RFX3: variants seen among roughly 807,000 people sequenced by gnomAD.
RFX3 encodes transcription factor RFX3.
A neutral mutation model predicts 98.6 loss-of-function variants in RFX3; 14 were observed. The observed-to-expected ratio is 0.14, with a 90% confidence interval of 0.09 to 0.22. The LOEUF is 0.22. RFX3 is among the 10% of genes least tolerant of loss of function. The pLI, the probability that RFX3 is intolerant of heterozygous loss-of-function variation, is 1.00. For synonymous variants in RFX3, 383 were observed against 328.4 expected (o/e 1.17, Z -1.80); for missense variants, 639 against 926.9 (o/e 0.69, Z 4.03).
chr9:3,506,149 T>C (rs932816864), intron 1 of RFX3, among the ~76,000 whole-genome samples: 1 of 150,980 alleles, frequency 6.6e-6, no homozygotes, highest in Admixed American at 6.6e-5. Context: ...AGAGATGGTA[T>C]ACAATGAATA....
intron 1 of RFX3, among the ~76,000 whole-genome samples, chr9:3,423,811 A>ATATATATATC (rs1292059587): frequency 6.8e-5 from 9 of 132,370 alleles, no homozygotes; most frequent in East Asian, 4.2e-4. Flanking sequence ...ATATATATAT[A>ATATATATATC]TCTTAAGGTA....
chr9:3,331,066 A>C (rs1388677995), intron 3 of RFX3, among the ~76,000 whole-genome samples: 2 of 151,734 alleles, frequency 1.3e-5, no homozygotes, highest in African/African-American at 2.4e-5. Context: ...CCCTCCCCAT[A>C]TCTCTCTTTC....
intron 3 of RFX3, among the ~76,000 whole-genome samples, chr9:3,346,124 T>G (rs1275770582): frequency 6.6e-6 from 1 of 152,174 alleles, no homozygotes; most frequent in Non-Finnish European, 1.5e-5. Context: ...ATAAAATAAA[T>G]TTACAAATTT....
intron 1 of RFX3, among the ~76,000 whole-genome samples, chr9:3,472,155 A>G (rs571555090): frequency 6.6e-6 from 1 of 152,334 alleles, no homozygotes; most frequent in Admixed American, 6.5e-5. Context: ...ACTGTTGTCA[A>G]GTTATTGAAT....
intron 4 of RFX3, among the ~76,000 whole-genome samples, chr9:3,317,580 A>G (rs201643230): frequency 7.2e-5 from 11 of 152,304 alleles, no homozygotes; most frequent in South Asian, 4.1e-4. Context: ...GAGTGAACAG[A>G]CAACCTACAG....
At chr9:3,350,467 G>T (rs1470489965) in intron 2 of RFX3, among the ~76,000 whole-genome samples, 1 of 152,140 alleles carries the variant, frequency 6.6e-6, no homozygotes, top group Non-Finnish European at 1.5e-5. Flanking sequence ...ATTGTTGGGA[G>T]GGATGGAAAA....
chr9:3,469,023 C>A, intron 1 of RFX3: 2 of 330,322 alleles, frequency 6.1e-6, no homozygotes, highest in Non-Finnish European at 1.2e-5. Flanking sequence ...TTAGTGTAGC[C>A]AAAATTTAGA....
chr9:3,504,175 T>A (rs1192168340), intron 1 of RFX3, among the ~76,000 whole-genome samples: 1 of 98,162 alleles, frequency 1.0e-5, no homozygotes, highest in Non-Finnish European at 1.7e-5. Flanking sequence ...ATATATTATA[T>A]ATTATACATA....
At chr9:3,313,936 T>A (rs1287196838) in intron 4 of RFX3, among the ~76,000 whole-genome samples, 2 of 152,198 alleles carry the variant, frequency 1.3e-5, no homozygotes, top group Non-Finnish European at 2.9e-5. Context: ...GGAACCAAGT[T>A]GGAAAGCACT....
At chr9:3,334,587 T>C (rs575294684) in intron 3 of RFX3, among the ~76,000 whole-genome samples, 2 of 151,896 alleles carry the variant, frequency 1.3e-5, no homozygotes, top group African/African-American at 4.8e-5. Flanking sequence ...CACTAAAGAG[T>C]GTGCCTAATC....
intron 5 of RFX3, among the ~76,000 whole-genome samples, chr9:3,298,410 A>G (rs954071996): frequency 6.6e-6 from 1 of 151,844 alleles, no homozygotes; most frequent in African/African-American, 2.4e-5. Flanking sequence ...ATGATTGGCA[A>G]AGGCATCCTA....
chr9:3,414,654 GTA>G (rs1206705592), intron 1 of RFX3, among the ~76,000 whole-genome samples: 1 of 135,214 alleles, frequency 7.4e-6, no homozygotes, highest in East Asian at 2.0e-4. Flanking sequence ...GTATATATAT[GTA>G]TATATGAGTA....
At chr9:3,484,171 T>C (rs1850052671) in intron 1 of RFX3, among the ~76,000 whole-genome samples, 3 of 152,196 alleles carry the variant, frequency 2.0e-5, no homozygotes, top group African/African-American at 7.2e-5. Flanking sequence ...GCTATAAATA[T>C]AGGAAACCAT....
chr9:3,359,958 C>G (rs1213534405), intron 2 of RFX3, among the ~76,000 whole-genome samples: 2 of 152,080 alleles, frequency 1.3e-5, no homozygotes, highest in Non-Finnish European at 2.9e-5. Context: ...TTATCTATTA[C>G]AAGCTTATTT....
At chr9:3,493,329 G>A (rs1436609346) in intron 1 of RFX3, among the ~76,000 whole-genome samples, 1 of 152,038 alleles carries the variant, frequency 6.6e-6, no homozygotes, top group Non-Finnish European at 1.5e-5. Context: ...ATCCTACACA[G>A]ATGTGCCAGA....
intron 12 of RFX3, among the ~76,000 whole-genome samples, chr9:3,265,110 T>C (rs1823447368): frequency 6.6e-6 from 1 of 150,574 alleles, no homozygotes; most frequent in Non-Finnish European, 1.5e-5. Flanking sequence ...TCTGCCATGA[T>C]GGACATGCTC....
At chr9:3,380,713 A>T (rs1308521438) in intron 2 of RFX3, among the ~76,000 whole-genome samples, 2 of 152,250 alleles carry the variant, frequency 1.3e-5, no homozygotes, top group Non-Finnish European at 2.9e-5. Context: ...AACTTGAAGT[A>T]TTACCAACCA....
At position 3,277,486 on chromosome 9, in the gene RFX3, C is replaced by T. The variant is rs775681909; in HGVS notation, c.852-25G>A. On this transcript the variant is annotated intron_variant, in intron 7 of 16. Transcript: ENST00000617270. ...CCTAAAAATATTAGATGGAAAAAAA[C>T]AAATAAACCAAATTATTCCTTGCTT... is the stretch of plus-strand genomic sequence containing the variant. 14 of 1,601,228 alleles carry T rather than the reference C, an allele frequency of 8.7e-6. No homozygotes were observed. The African/African-American group carries it at 1.6e-4, about 18-fold the overall frequency.
At chr9:3,368,965 A>T (rs542301704) in intron 2 of RFX3, among the ~76,000 whole-genome samples, 1 of 152,356 alleles carries the variant, frequency 6.6e-6, no homozygotes, top group Admixed American at 6.5e-5. Flanking sequence ...TTTACTACTT[A>T]TCACAATTGC....
Sources: allele counts gnomAD v4.1 joint callset (sites outside exome capture counted in the v4.1 genomes callset), GRCh38; gene constraint gnomAD v4.1.1; transcripts MANE v1.5; gene names NCBI Gene and HGNC (gene_info 2026-07-23, HGNC 2026-07-21).